Variants in NDRG3 observed in about 807,000 individuals in gnomAD.
NDRG3 encodes protein NDRG3.
In NDRG3, 23 loss-of-function variants were observed where a neutral mutation model predicts 57.2. The ratio of observed to expected loss-of-function variants is 0.40; its 90% CI spans 0.29 to 0.57. NDRG3 has a LOEUF of 0.57. Among genes scored for constraint, NDRG3 ranks in the 20% least tolerant of loss-of-function variants. The pLI, the probability that NDRG3 is intolerant of heterozygous loss-of-function variation, is 0.42. For missense variants in NDRG3, 384 were observed against 457.3 expected (o/e 0.84, Z 1.46); for synonymous variants, 132 against 162.6 (o/e 0.81, Z 1.43).
At position 36,703,421 on chromosome 20, in the gene NDRG3, C is replaced by CCCATCTAT. The variant is rs569065969; in HGVS notation, c.93+3550_93+3551insATAGATGG. Among the ~76,000 whole-genome samples the CCCATCTAT allele has an allele frequency of 7.2e-3, 1,062 of 147,012 alleles. 9 individuals are homozygous for CCCATCTAT. Among genetic ancestry groups the CCCATCTAT allele is most frequent in the African/African-American group, 0.025 (993 of 39,806 alleles). The stretch of plus-strand genomic sequence containing the variant: ...CTCTAAATATATATATATGTAATAT[C>CCCATCTAT]CTATCTATCTATCTATCTATCTATC... On this transcript the variant is annotated intron_variant, in intron 3 of 15. Transcript: ENST00000349004.
chr20:36,693,308 C>T lies in NDRG3; in HGVS notation c.94-4524G>A, dbSNP rs191590411. On this transcript the variant is annotated intron_variant, in intron 3 of 15. Transcript: ENST00000349004. The stretch of plus-strand genomic sequence containing the variant: ...ACAAAAGGACATGTGCAGAGATGTA[C>T]GGGTGACCCTCAAACAACACAAGGG... Among the ~76,000 whole-genome samples, 12 of 149,400 alleles carry T rather than the reference C, an allele frequency of 8.0e-5. 1 individual carries two copies. The highest frequency in any genetic ancestry group is 2.0e-4 in the African/African-American group (8 of 40,592).
In NDRG3 at chr20:36,653,550, G is replaced by A; in HGVS notation, c.1098C>T (p.Asp366=). 3 of 1,614,184 alleles carry A rather than the reference G, an allele frequency of 1.9e-6. No individual in the cohort carries two copies. The highest frequency in any genetic ancestry group is 1.7e-5 in the Admixed American group (1 of 60,026). ...QESCESPDVL[D]RHQTMEVSC ...AGGACACCTCCATGGTCTGGTGTCTGTCCAGGACATCAGGGGACTCACAGG... is the reference window on the plus strand; with the variant it reads ...AGGACACCTCCATGGTCTGGTGTCTATCCAGGACATCAGGGGACTCACAGG... Residue 366 remains aspartate, a synonymous_variant, in exon 16 of 16, where the codon GAC becomes GAT. Coordinates refer to ENST00000349004, the MANE Select transcript of NDRG3 (RefSeq NM_032013.4). This position sits in a 1 kb window ranked among gnomAD's most constrained non-coding sequence, Gnocchi z 4.2.
intron 1 of NDRG3, among the ~76,000 whole-genome samples, chr20:36,730,246 C>A (rs62206154): frequency 2.1e-5 from 3 of 141,714 alleles, no homozygotes; most frequent in African/African-American, 8.5e-5. Context: ...GACTCTGTCT[C>A]CAAAAAAAAA....
In NDRG3 at chr20:36,715,945, T is replaced by TCTCTAAAAAA. The variant is rs534295360; in HGVS notation, c.57+5724_57+5733dup. ...AGAGTTTCAACATGGCAAAGCTCCG[T>TCTCTAAAAAA]CTCTAAAAAAATACAAAACGTAGCC... On this transcript the variant is annotated intron_variant, in intron 2 of 15. Transcript: ENST00000349004. Among the ~76,000 whole-genome samples, 954 of 147,572 alleles carry TCTCTAAAAAA rather than the reference T, an allele frequency of 6.5e-3. 4 individuals carry two copies. The highest frequency in any genetic ancestry group is 0.023 in the African/African-American group (922 of 40,006).
intron 3 of NDRG3, among the ~76,000 whole-genome samples, chr20:36,701,389 T>A (rs924189316): frequency 1.3e-5 from 2 of 151,648 alleles, no homozygotes; most frequent in African/African-American, 4.8e-5. Flanking sequence ...ATATATATAT[T>A]TTCTAATTAG....
At chr20:36,743,150 A>G (rs1282878336) in intron 1 of NDRG3, among the ~76,000 whole-genome samples, 1 of 152,134 alleles carries the variant, frequency 6.6e-6, no homozygotes, top group Non-Finnish European at 1.5e-5. Flanking sequence ...GCATATACCA[A>G]CTCCACTGTA....
chr20:36,676,218 C>T (rs886730914), intron 8 of NDRG3, among the ~76,000 whole-genome samples: 53 of 151,178 alleles, frequency 3.5e-4, no homozygotes, highest in South Asian at 8.4e-4. Context: ...CCTGCCTGGG[C>T]GACACAGCGA....
At chr20:36,710,689 C>T (rs1271754271) in intron 2 of NDRG3, among the ~76,000 whole-genome samples, 1 of 152,074 alleles carries the variant, frequency 6.6e-6, no homozygotes, top group African/African-American at 2.4e-5. Context: ...TGCCTGTAAT[C>T]CCAGCTACTC....
intron 1 of NDRG3, among the ~76,000 whole-genome samples, chr20:36,727,351 C>T (rs992886685): frequency 2.0e-5 from 3 of 151,850 alleles, no homozygotes; most frequent in Non-Finnish European, 4.4e-5. Flanking sequence ...TCCCGAGTAG[C>T]TGGGATTACA....
At chr20:36,706,143 T>C (rs1285611580) in intron 3 of NDRG3, among the ~76,000 whole-genome samples, 1 of 152,216 alleles carries the variant, frequency 6.6e-6, no homozygotes, top group African/African-American at 2.4e-5. Flanking sequence ...ACAGAGGTGA[T>C]GCAAAAGCAG....
chr20:36,652,864 C>T lies in NDRG3; in HGVS notation c.*656G>A, dbSNP rs947599218. ...TCCCTTTTATTTATAGAAGAGTATA[C>T]AGAAATTCATTTGGACAGAAGGAGC... On this transcript the variant is annotated 3_prime_UTR_variant, in exon 16 of 16. Transcript: ENST00000349004. The T allele has an allele frequency of 2.6e-5, 4 of 152,174 alleles. No individual in the cohort carries two copies. The highest frequency in any genetic ancestry group is 9.7e-5 in the African/African-American group (4 of 41,424). The allele number at this position is 152,174 out of a possible 1,614,324, so 9.4% of individuals were successfully genotyped here.
intron 2 of NDRG3, among the ~76,000 whole-genome samples, chr20:36,713,219 A>G (rs1984027906): frequency 6.6e-6 from 1 of 152,236 alleles, no homozygotes; most frequent in Non-Finnish European, 1.5e-5. Flanking sequence ...TGAAGAGGAA[A>G]AAAATCAAGG....
At chr20:36,684,815 C>T (rs1332732040) in intron 5 of NDRG3, among the ~76,000 whole-genome samples, 1 of 151,404 alleles carries the variant, frequency 6.6e-6, no homozygotes, top group Non-Finnish European at 1.5e-5. Context: ...TGCCATTGCA[C>T]TCCAGCCTGG....
chr20:36,656,745 G>T (rs577506009), intron 13 of NDRG3, among the ~76,000 whole-genome samples: 1 of 152,280 alleles, frequency 6.6e-6, no homozygotes, highest in African/African-American at 2.4e-5. Flanking sequence ...TAAGACTGAA[G>T]CCCTGACTTT....
Position 36,680,905 on chromosome 20 carries a change from G to A in NDRG3, c.445-3C>T. ...TCCACAAGCTCTGGATGGTTGAGCTGAAAGATGAGGCAAAGACAATAGTAT... is the reference window on the plus strand; with the variant it reads ...TCCACAAGCTCTGGATGGTTGAGCTAAAAGATGAGGCAAAGACAATAGTAT... On this transcript the variant is annotated splice_region_variant and splice_polypyrimidine_tract_variant and intron_variant, in intron 7 of 15. Transcript: ENST00000349004. 3.1e-6 allele frequency: 5 copies of A among 1,613,014 alleles called. No homozygotes were observed. The highest frequency in any genetic ancestry group is 4.2e-6 in the Non-Finnish European group (5 of 1,179,114).
intron 3 of NDRG3, among the ~76,000 whole-genome samples, chr20:36,699,981 G>A (rs527929886): frequency 1.6e-4 from 24 of 151,708 alleles, no homozygotes; most frequent in Non-Finnish European, 2.6e-4. Context: ...TTAGCCAGGC[G>A]CGGAGGCAAG....
chr20:36,673,974 G>A (rs931078245), intron 8 of NDRG3, among the ~76,000 whole-genome samples: 8 of 151,726 alleles, frequency 5.3e-5, no homozygotes, highest in African/African-American at 1.2e-4. Context: ...GTGGTGGCAC[G>A]TTATCTGTAA....
At chr20:36,700,218 C>A (rs921190779) in intron 3 of NDRG3, among the ~76,000 whole-genome samples, 2 of 150,788 alleles carry the variant, frequency 1.3e-5, no homozygotes, top group Admixed American at 6.6e-5. Context: ...TGGCTCCTTA[C>A]AAAATTTCAA....
chr20:36,680,496 A>AT (rs1268453439), intron 8 of NDRG3, among the ~76,000 whole-genome samples: 1 of 152,006 alleles, frequency 6.6e-6, no homozygotes, highest in African/African-American at 2.4e-5. Context: ...AAAAAAAAAA[A>AT]AAAATACAGT....
Sources: allele counts gnomAD v4.1 joint callset (sites outside exome capture counted in the v4.1 genomes callset), GRCh38; gene constraint gnomAD v4.1.1; non-coding constraint Gnocchi (gnomAD v3.1); transcripts MANE v1.5; gene names NCBI Gene and HGNC (gene_info 2026-07-23, HGNC 2026-07-21).